Variants in KCNAB2 observed in about 807,000 individuals in gnomAD.
KCNAB2 encodes voltage-gated potassium channel subunit beta-2.
A neutral mutation model predicts 63.6 loss-of-function variants in KCNAB2; 29 were observed. The ratio of observed to expected loss-of-function variants is 0.46; its 90% CI spans 0.34 to 0.62. KCNAB2 has a LOEUF of 0.62. Among genes scored for constraint, KCNAB2 ranks in the 20% least tolerant of loss-of-function variants. KCNAB2 has a pLI of 0.01. For synonymous variants in KCNAB2, 222 were observed against 224.2 expected (o/e 0.99, Z 0.09); for missense variants, 359 against 563.9 (o/e 0.64, Z 3.68).
At chr1:6,075,701 T>C (rs544326555) in intron 4 of KCNAB2, among the ~76,000 whole-genome samples, 5 of 152,380 alleles carry the variant, frequency 3.3e-5, no homozygotes, top group African/African-American at 1.2e-4. Context: ...CGTCCTGGAC[T>C]GCTTTTTTTG....
intron 2 of KCNAB2, among the ~76,000 whole-genome samples, chr1:6,055,055 AG>A (rs1177251495): frequency 1.3e-5 from 2 of 152,170 alleles, no homozygotes; most frequent in Non-Finnish European, 2.9e-5. Context: ...AGATGCTGGA[AG>A]GGACAGGAAA....
At chr1:6,031,343 A>G (rs1481984383), upstream of KCNAB2, among the ~76,000 whole-genome samples, 3 of 152,164 alleles carry the variant, frequency 2.0e-5, no homozygotes, top group African/African-American at 4.8e-5. The surrounding 1 kb of genome is among the most constrained non-coding windows in gnomAD (Gnocchi z 4.1). Flanking sequence ...AGTGCCCCCA[A>G]AGCTCCTACT....
At chr1:6,076,585 G>A (rs990995215) in intron 4 of KCNAB2, among the ~76,000 whole-genome samples, 9 of 152,220 alleles carry the variant, frequency 5.9e-5, no homozygotes, top group African/African-American at 2.2e-4. Context: ...CCAGTTCAGG[G>A]AAGCTGAGCC....
chr1:6,005,378 TGAACTGGG>T (rs1557922269), intron 1 of KCNAB2, among the ~76,000 whole-genome samples: 6 of 5,338 alleles, frequency 1.1e-3, no homozygotes, highest in African/African-American at 5.2e-3. Context: ...GGAGTGAGGG[TGAACTGGG>T]GGATGTGGGA....
intron 12 of KCNAB2, 39 bp from the exon 13 acceptor site, chr1:6,095,491 C>T (rs767167191): frequency 1.5e-5 from 23 of 1,549,670 alleles, no homozygotes; most frequent in East Asian, 2.3e-5. Flanking sequence ...CCCCTGCTCT[C>T]GGGCCCAGGG....
intron 2 of KCNAB2, among the ~76,000 whole-genome samples, chr1:6,065,549 C>A (rs146232248): frequency 1.3e-5 from 2 of 152,268 alleles, no homozygotes; most frequent in Admixed American, 1.3e-4. Flanking sequence ...GCAGTCACAG[C>A]GGCCCTGCGC....
chr1:6,099,968 A>C lies in KCNAB2; in HGVS notation c.*1394A>C. 6.5e-7 allele frequency: 1 copy of C among 1,549,784 alleles called. No individual in the cohort carries two copies. The highest frequency in any genetic ancestry group is 2.0e-5 in the Admixed American group (1 of 50,898). ...CCCAAGCAGTACCCAGGCTTTGCAGACCACGCGGGGCAGGGCTCCACTGAA... is the reference window on the plus strand; with the variant it reads ...CCCAAGCAGTACCCAGGCTTTGCAGCCCACGCGGGGCAGGGCTCCACTGAA... On this transcript the variant is annotated 3_prime_UTR_variant, in exon 16 of 16. Coordinates refer to ENST00000378083, the MANE Select transcript of KCNAB2 (RefSeq NM_001199862.2).
chr1:6,039,105 G>T (rs1165498068), intron 1 of KCNAB2, among the ~76,000 whole-genome samples: 1 of 152,226 alleles, frequency 6.6e-6, no homozygotes, highest in African/African-American at 2.4e-5. Context: ...CCGGGGAGCA[G>T]CAGGGACCCC....
chr1:6,091,918 A>G lies in KCNAB2; in HGVS notation c.646+611A>G, dbSNP rs1392461862. On this transcript the variant is annotated intron_variant, in intron 10 of 15. Coordinates refer to ENST00000378083, the MANE Select transcript of KCNAB2 (RefSeq NM_001199862.2). ...ATTTTCCTCCTGAAAGAATAACCAC[A>G]GGAGCCGGCAGCCTTCTGAAACCAG... Among the ~76,000 whole-genome samples, 4 of 152,322 alleles carry G rather than the reference A, an allele frequency of 2.6e-5. No homozygotes were observed. The East Asian group carries it at 7.7e-4, about 29-fold the overall frequency.
intron 1 of KCNAB2, among the ~76,000 whole-genome samples, chr1:6,006,663 ACTTCACC>A (rs1367442249): frequency 1.7e-4 from 1 of 5,966 alleles, no homozygotes; most frequent in African/African-American, 6.8e-4. Context: ...CACATCCCCC[ACTTCACC>A]CTCCACCCCT....
intron 1 of KCNAB2, among the ~76,000 whole-genome samples, chr1:6,039,154 T>C (rs936856838): frequency 2.0e-5 from 3 of 152,050 alleles, no homozygotes; most frequent in Admixed American, 2.0e-4. Context: ...TGAGAAGCAC[T>C]GCAGCAAGGG....
At chr1:6,015,253 C>T (rs1658427574) in intron 1 of KCNAB2, among the ~76,000 whole-genome samples, 1 of 152,068 alleles carries the variant, frequency 6.6e-6, no homozygotes. Context: ...TGATTTCGAA[C>T]TCTTGACCTC....
At chr1:6,005,456 G>A (rs1435402964) in intron 1 of KCNAB2, among the ~76,000 whole-genome samples, 2 of 150,972 alleles carry the variant, frequency 1.3e-5, no homozygotes, top group East Asian at 3.9e-4. Flanking sequence ...AGGGGTGAGG[G>A]TGGAGGCGGG....
At chr1:6,030,448 C>CGTGTGTGT (rs139805306), upstream of KCNAB2, among the ~76,000 whole-genome samples, 4 of 150,174 alleles carry the variant, frequency 2.7e-5, no homozygotes, top group Non-Finnish European at 4.5e-5. Context: ...ACCCCTCCAA[C>CGTGTGTGT]GTGTGTGTGT....
At chr1:6,009,460 C>G (rs1260639241) in intron 1 of KCNAB2, among the ~76,000 whole-genome samples, 1 of 152,226 alleles carries the variant, frequency 6.6e-6, no homozygotes, top group Non-Finnish European at 1.5e-5. Flanking sequence ...TTCAGATGCA[C>G]GTCCCCTGTC....
intron 2 of KCNAB2, among the ~76,000 whole-genome samples, chr1:6,052,081 G>A (rs953977836): frequency 3.7e-4 from 56 of 152,158 alleles, no homozygotes; most frequent in African/African-American, 1.1e-3. Context: ...CAGCCTGGGC[G>A]ACAAGAGTGA....
upstream of KCNAB2, among the ~76,000 whole-genome samples, chr1:6,045,312 T>C (rs1268208569): frequency 6.6e-6 from 1 of 152,182 alleles, no homozygotes; most frequent in Non-Finnish European, 1.5e-5. This position sits in a 1 kb window ranked among gnomAD's most constrained non-coding sequence, Gnocchi z 4.8. Context: ...TTTGCTGGCA[T>C]CCTGTGACAC....
At chr1:6,085,756 C>T in intron 6 of KCNAB2, 1 of 864,880 alleles carries the variant, frequency 1.2e-6, no homozygotes, top group Middle Eastern at 5.9e-4. Flanking sequence ...CGCGGCGTCT[C>T]AGCCTCTCCG....
chr1:6,013,571 C>T (rs540008849), intron 1 of KCNAB2, among the ~76,000 whole-genome samples: 1 of 152,168 alleles, frequency 6.6e-6, no homozygotes, highest in Non-Finnish European at 1.5e-5. Context: ...AGGGCTCCCC[C>T]ACACCACTGC....
Sources: gnomAD v4.1 joint callset for allele counts (sites outside exome capture counted in the v4.1 genomes callset) on GRCh38, gnomAD v4.1.1 for gene constraint, Gnocchi (gnomAD v3.1) non-coding constraint, MANE v1.5 for transcripts, NCBI Gene and HGNC (gene_info 2026-07-23, HGNC 2026-07-21) for gene names.